KDM1B: variants seen among roughly 807,000 people sequenced by gnomAD.
KDM1B encodes lysine-specific histone demethylase 2.
A neutral mutation model predicts 107.4 loss-of-function variants in KDM1B; 63 were observed. The observed-to-expected ratio is 0.59, with a 90% CI of 0.48 to 0.72. The LOEUF is 0.72. Among genes scored for constraint, KDM1B ranks in the 30% least tolerant of loss-of-function variants. KDM1B has a pLI of 0.00. For missense variants in KDM1B, 749 were observed against 1,020.8 expected (o/e 0.73, Z 3.63); for synonymous variants, 363 against 363.9 (o/e 1.00, Z 0.03).
chr6:18,212,374 C>G lies in KDM1B; in HGVS notation c.1867-114C>G. Reference sequence around the variant, plus strand: ...GTGCAGTGAGCAACCTGCACAGTTGCACATGGCAGCCCTTGTTCTTGCCAG... The same window carrying G: ...GTGCAGTGAGCAACCTGCACAGTTGGACATGGCAGCCCTTGTTCTTGCCAG... On this transcript the variant is annotated intron_variant, in intron 17 of 21. Coordinates refer to ENST00000650836, the MANE Select transcript of KDM1B (RefSeq NM_001364614.2). The surrounding 1 kb of genome is among the most constrained non-coding windows in gnomAD (Gnocchi z 5.2). 2 of 760,846 alleles carry G rather than the reference C, an allele frequency of 2.6e-6. No individual in the cohort carries two copies. Among genetic ancestry groups the G allele is most frequent in the South Asian group, 2.9e-5 (2 of 68,348 alleles). 47.1% of individuals were successfully genotyped at this position (760,846 alleles called of 1,614,324 possible).
At chr6:18,196,558 T>A (rs1787666983) in intron 10 of KDM1B, among the ~76,000 whole-genome samples, 1 of 152,158 alleles carries the variant, frequency 6.6e-6, no homozygotes. Flanking sequence ...TGCATTTCCT[T>A]GATGATTAGT....
rs2151041387 is a variant in KDM1B, at chr6:18,217,127, T to C, written c.2233-606T>C. ...ATGGAAAAGGGAAGGCCCGAACTCT[T>C]AGCCATGGGTGATAGCCCCCAGTAG... On this transcript the variant is annotated intron_variant, in intron 20 of 21. Coordinates refer to ENST00000650836, the MANE Select transcript of KDM1B (RefSeq NM_001364614.2). 3.3e-5 allele frequency among the ~76,000 whole-genome samples: 5 copies of C among 152,286 alleles called. No individual in the cohort carries two copies. In the South Asian group the frequency reaches 1.0e-3, roughly 32 times the overall value.
intron 16 of KDM1B, among the ~76,000 whole-genome samples, chr6:18,207,832 C>T (rs1386467646): frequency 6.6e-6 from 1 of 152,164 alleles, no homozygotes; most frequent in Non-Finnish European, 1.5e-5. Context: ...AAATCTTTGT[C>T]TCAGTGCATT....
At chr6:18,175,647 G>A (rs1378144655) in intron 7 of KDM1B, among the ~76,000 whole-genome samples, 1 of 151,928 alleles carries the variant, frequency 6.6e-6, no homozygotes, top group Non-Finnish European at 1.5e-5. Flanking sequence ...GTTGATTTTT[G>A]TGTGAGATAT....
At position 18,201,558 on chromosome 6, in the gene KDM1B, A is replaced by G; in HGVS notation, c.1432A>G (p.Thr478Ala). 3 of 1,550,336 alleles carry G rather than the reference A, an allele frequency of 1.9e-6. No individual in the cohort carries two copies. The highest frequency in any genetic ancestry group is 2.6e-6 in the Non-Finnish European group (3 of 1,146,716). ...IQEGGRITDPTIDKRMDFHFN... is the reference protein window; with the variant it reads ...IQEGGRITDPAIDKRMDFHFN... ...GGAAGGTGGAAGAATAACTGACCCC[A>G]CTATTGACAAGCGCATGGATTTTCA... The change falls in exon 14 of 22, where the codon ACT (threonine) becomes GCT (alanine). Residue 478 changes from threonine to alanine, a missense_variant. Physicochemically the swap from Thr to Ala is moderately conservative, Grantham distance 58. Transcript: ENST00000650836. This position sits in a 1 kb window ranked among gnomAD's most constrained non-coding sequence, Gnocchi z 4.3.
intron 9 of KDM1B, among the ~76,000 whole-genome samples, chr6:18,189,357 AGT>A: frequency 6.6e-6 from 1 of 152,186 alleles, no homozygotes; most frequent in Non-Finnish European, 1.5e-5. Flanking sequence ...TGTTAGGGAG[AGT>A]GTATGTTTAC....
intron 7 of KDM1B, among the ~76,000 whole-genome samples, chr6:18,178,556 C>G (rs1786205593): frequency 6.6e-6 from 1 of 151,472 alleles, no homozygotes; most frequent in African/African-American, 2.4e-5. Context: ...CCATGCCTGG[C>G]TAATTTTTTG....
At chr6:18,188,206 G>A (rs921466393) in intron 9 of KDM1B, among the ~76,000 whole-genome samples, 3 of 152,114 alleles carry the variant, frequency 2.0e-5, no homozygotes, top group East Asian at 1.9e-4. Flanking sequence ...GCAACATAGC[G>A]AGATCTCGTC....
chr6:18,179,391 G>C (rs906254020), intron 7 of KDM1B, among the ~76,000 whole-genome samples: 1 of 152,134 alleles, frequency 6.6e-6, no homozygotes, highest in African/African-American at 2.4e-5. Flanking sequence ...TGCTTTCAGA[G>C]TTATGCTGGC....
In KDM1B at chr6:18,210,342, C is replaced by CTTTTTTTTTTTTTTTTTTTTTTTTTT. The variant is rs533016543; in HGVS notation, c.1866+2141_1867-2116dup. On this transcript the variant is annotated intron_variant, in intron 17 of 21. Coordinates refer to ENST00000650836, the MANE Select transcript of KDM1B (RefSeq NM_001364614.2). The stretch of plus-strand genomic sequence containing the variant: ...TCTTTCTTTTTTTTCTCTTTCTTTT[C>CTTTTTTTTTTTTTTTTTTTTTTTTTT]TTTTTTTTTTTTTTTTTTTTTTTTT... Among the ~76,000 whole-genome samples the CTTTTTTTTTTTTTTTTTTTTTTTTTT allele has an allele frequency of 1.0e-3, 73 of 70,010 alleles. 14 individuals are homozygous for CTTTTTTTTTTTTTTTTTTTTTTTTTT. The highest frequency in any genetic ancestry group is 1.6e-3 in the Non-Finnish European group (55 of 33,988). 45.9% of individuals were successfully genotyped at this position (70,010 alleles called of 152,430 possible).
chr6:18,207,293 C>G (rs1003591413), intron 15 of KDM1B, 105 bp from the exon 16 acceptor site: 3 of 1,247,314 alleles, frequency 2.4e-6, no homozygotes, highest in Non-Finnish European at 3.5e-6. Flanking sequence ...TGTCCCCTGC[C>G]CTCCTGCCTT....
At chr6:18,220,372 A>G (rs1412635823) in intron 21 of KDM1B, among the ~76,000 whole-genome samples, 1 of 152,110 alleles carries the variant, frequency 6.6e-6, no homozygotes, top group Admixed American at 6.5e-5. Context: ...AACATGGTGA[A>G]ACCCCGTCAC....
chr6:18,161,840 T>A (rs1231817226), intron 4 of KDM1B, among the ~76,000 whole-genome samples: 1 of 152,172 alleles, frequency 6.6e-6, no homozygotes, highest in Non-Finnish European at 1.5e-5. Context: ...TCATATAACA[T>A]GCCACCTCTT....
In KDM1B at chr6:18,159,771, T is replaced by C. The variant is rs1207426370; in HGVS notation, c.-13-112T>C. ...AAAGAAAGAAAACTGTAGCTTTGTA[T>C]TTAGGCAATCTGACATACATTCTTA... On this transcript the variant is annotated intron_variant, in intron 2 of 21. Coordinates refer to ENST00000650836, the MANE Select transcript of KDM1B (RefSeq NM_001364614.2). This position sits in a 1 kb window ranked among gnomAD's most constrained non-coding sequence, Gnocchi z 4.5. 4.7e-6 allele frequency: 3 copies of C among 642,638 alleles called. No individual in the cohort carries two copies. The highest frequency in any genetic ancestry group is 8.1e-6 in the Non-Finnish European group (3 of 368,872). 39.8% of individuals were successfully genotyped at this position (642,638 alleles called of 1,614,324 possible).
intron 10 of KDM1B, among the ~76,000 whole-genome samples, chr6:18,196,841 A>G (rs1787683075): frequency 6.6e-6 from 1 of 152,188 alleles, no homozygotes; most frequent in Non-Finnish European, 1.5e-5. Flanking sequence ...AAGGGACTTG[A>G]GAATCTATGG....
At position 18,159,714 on chromosome 6, in the gene KDM1B, C is replaced by T. The variant is rs6940345; in HGVS notation, c.-13-169C>T. Among the ~76,000 whole-genome samples, 136,573 of 152,202 alleles carry T rather than the reference C, an allele frequency of 0.9. 61,366 individuals carry two copies. The highest frequency in any genetic ancestry group is 0.91 in the Middle Eastern group (269 of 294). Reference sequence around the variant, plus strand: ...CTTGAGCCCAGGAGTTCCAGGCTAGCCTGGGCAACATGGCAAGAATGTCTC... The same window carrying T: ...CTTGAGCCCAGGAGTTCCAGGCTAGTCTGGGCAACATGGCAAGAATGTCTC... On this transcript the variant is annotated intron_variant, in intron 2 of 21. Coordinates refer to ENST00000650836, the MANE Select transcript of KDM1B (RefSeq NM_001364614.2). The surrounding 1 kb of genome is among the most constrained non-coding windows in gnomAD (Gnocchi z 4.5).
In KDM1B at chr6:18,203,191, C is replaced by T. The variant is rs898933506; in HGVS notation, c.1531+1534C>T. On this transcript the variant is annotated intron_variant, in intron 14 of 21. Coordinates refer to ENST00000650836, the MANE Select transcript of KDM1B (RefSeq NM_001364614.2). This position sits in a 1 kb window ranked among gnomAD's most constrained non-coding sequence, Gnocchi z 5.5. ...CCAGCTACTCAGGAGGTGAGAGGAT[C>T]GCTTAAGTCCAGGAGTTAGAGACTG... 6.6e-6 allele frequency among the ~76,000 whole-genome samples: 1 copy of T among 152,056 alleles called. No homozygotes were observed. The highest frequency in any genetic ancestry group is 1.5e-5 in the Non-Finnish European group (1 of 68,018).
At chr6:18,176,074 C>T (rs537679178) in intron 7 of KDM1B, among the ~76,000 whole-genome samples, 71 of 152,270 alleles carry the variant, frequency 4.7e-4, no homozygotes, top group African/African-American at 1.6e-3. Context: ...ATTTTCACAA[C>T]ATTGATTCTA....
intron 5 of KDM1B, among the ~76,000 whole-genome samples, chr6:18,165,824 A>ATTTG (rs1785262181): frequency 6.6e-6 from 1 of 152,204 alleles, no homozygotes; most frequent in Non-Finnish European, 1.5e-5. Context: ...TCCATCTCAA[A>ATTTG]AGAAATTTAA....
Sources: allele counts gnomAD v4.1 joint callset (sites outside exome capture counted in the v4.1 genomes callset), GRCh38; gene constraint gnomAD v4.1.1; non-coding constraint Gnocchi (gnomAD v3.1); transcripts MANE v1.5; gene names NCBI Gene and HGNC (gene_info 2026-07-23, HGNC 2026-07-21).